GRM5: variants seen among roughly 807,000 people sequenced by gnomAD.
GRM5 encodes the protein metabotropic glutamate receptor 5.
A neutral mutation model predicts 83.1 loss-of-function variants in GRM5; 19 were observed. The observed-to-expected ratio is 0.23, with a 90% CI of 0.16 to 0.34. The LOEUF (loss-of-function observed/expected upper bound fraction) is 0.34, where lower values mean the gene tolerates loss of function less well. GRM5 is among the 10% of genes least tolerant of loss of function. The probability of loss-of-function intolerance (pLI) is 1.00; values close to 1 mark genes in which losing one functional copy is unlikely to be tolerated. For synonymous variants in GRM5, 675 were observed against 633.6 expected (o/e 1.07, Z -0.98); for missense variants, 1,160 against 1,588.3 (o/e 0.73, Z 4.58).
intron 4 of GRM5, among the ~76,000 whole-genome samples, chr11:88,625,343 C>G (rs868158669): frequency 1.3e-5 from 2 of 152,174 alleles, no homozygotes; most frequent in Middle Eastern, 3.4e-3. Flanking sequence ...TACCCGTGTC[C>G]CTGACTTTGA....
At chr11:88,790,689 G>A (rs1021827824) in intron 3 of GRM5, among the ~76,000 whole-genome samples, 1 of 152,068 alleles carries the variant, frequency 6.6e-6, no homozygotes, top group African/African-American at 2.4e-5. Context: ...GTACAAATCA[G>A]GAATAAGGAC....
Position 88,653,199 on chromosome 11 carries a change from C to T in GRM5, c.1116G>A (p.Gln372=). 1.2e-6 allele frequency: 2 copies of T among 1,609,940 alleles called. No individual in the cohort carries two copies. Among genetic ancestry groups the T allele is most frequent in the Non-Finnish European group, 1.7e-6 (2 of 1,176,566 alleles). ...AAGTCTTGTTGTATTTGCTGTTCTC[C>T]TGTGGAAACCCTTCCAGTCGGCACT... ...RFQCRLEGFP[Q]ENSKYNKTCN... is the part of the protein sequence containing the mutation. The change falls in exon 4 of 10, where the codon CAG becomes CAA. Residue 372 remains glutamine (Q), a synonymous_variant. Transcript: ENST00000305447.
At chr11:89,041,751 G>C (rs1336961317) in intron 2 of GRM5, among the ~76,000 whole-genome samples, 1 of 152,132 alleles carries the variant, frequency 6.6e-6, no homozygotes, top group Non-Finnish European at 1.5e-5. Flanking sequence ...TACAATTAGA[G>C]TTGCCCACTG....
chr11:88,689,936 A>G (rs1187620247), intron 3 of GRM5, among the ~76,000 whole-genome samples: 4 of 152,292 alleles, frequency 2.6e-5, no homozygotes, highest in Non-Finnish European at 5.9e-5. Flanking sequence ...TTTATTGAAG[A>G]GATATATTTA....
chr11:88,985,675 A>G (rs1190135374), intron 2 of GRM5, among the ~76,000 whole-genome samples: 1 of 152,186 alleles, frequency 6.6e-6, no homozygotes, highest in East Asian at 1.9e-4. Context: ...GGTGTCCCCA[A>G]GACACTTTCA....
intron 3 of GRM5, among the ~76,000 whole-genome samples, chr11:88,768,449 G>C (rs927456535): frequency 4.6e-5 from 7 of 151,894 alleles, no homozygotes; most frequent in African/African-American, 7.3e-5. Context: ...TGGGAGGAGA[G>C]AATGGATAGT....
chr11:88,997,634 T>G (rs1940232325), intron 2 of GRM5, among the ~76,000 whole-genome samples: 1 of 151,866 alleles, frequency 6.6e-6, no homozygotes. Context: ...TACAGAGCCT[T>G]CAAATATTAA....
At chr11:88,793,247 C>A (rs1336371941) in intron 3 of GRM5, among the ~76,000 whole-genome samples, 1 of 152,038 alleles carries the variant, frequency 6.6e-6, no homozygotes, top group Admixed American at 6.6e-5. Flanking sequence ...TCTATAGGAA[C>A]AAGAAAGCAT....
chr11:88,982,484 T>C (rs1227451695), intron 2 of GRM5, among the ~76,000 whole-genome samples: 2 of 152,140 alleles, frequency 1.3e-5, no homozygotes, highest in African/African-American at 4.8e-5. Flanking sequence ...GTAATAATTC[T>C]TTTAATTTGT....
Position 89,048,028 on chromosome 11 carries a change from T to G in GRM5, c.-156A>C, listed in dbSNP as rs1483899661. 2 of 612,036 alleles carry G rather than the reference T, an allele frequency of 3.3e-6. No individual in the cohort carries two copies. The highest frequency in any genetic ancestry group is 2.0e-5 in the South Asian group (1 of 50,084). 37.9% of individuals were successfully genotyped at this position (612,036 alleles called of 1,614,324 possible). On this transcript the variant is annotated 5_prime_UTR_variant, in exon 2 of 10. The change abolishes an upstream ATG in the 5' untranslated region. Coordinates refer to ENST00000305447, the MANE Select transcript of GRM5 (RefSeq NM_001143831.3). Reference sequence around the variant, plus strand: ...TTTCTAAAGGACCATTTTGTCCCCATGTACCATTTAGTTAGATGATCCATG... The same window carrying G: ...TTTCTAAAGGACCATTTTGTCCCCAGGTACCATTTAGTTAGATGATCCATG...
intron 3 of GRM5, among the ~76,000 whole-genome samples, chr11:88,668,642 T>C (rs1411116009): frequency 6.6e-6 from 1 of 152,160 alleles, no homozygotes; most frequent in Non-Finnish European, 1.5e-5. Context: ...ATTATTATTG[T>C]TATTATTGTG....
At chr11:89,013,288 T>C (rs1940760235) in intron 2 of GRM5, among the ~76,000 whole-genome samples, 1 of 152,234 alleles carries the variant, frequency 6.6e-6, no homozygotes, top group African/African-American at 2.4e-5. Flanking sequence ...CTCATGTTCC[T>C]GACTTGGTCC....
At chr11:88,906,879 T>A (rs1001439365) in intron 2 of GRM5, among the ~76,000 whole-genome samples, 12 of 152,186 alleles carry the variant, frequency 7.9e-5, no homozygotes, top group Non-Finnish European at 1.3e-4. Context: ...AAAGGCTAAT[T>A]AAGGAGTTAA....
At chr11:88,644,435 C>T (rs918605966) in intron 4 of GRM5, among the ~76,000 whole-genome samples, 12 of 152,140 alleles carry the variant, frequency 7.9e-5, no homozygotes, top group South Asian at 4.1e-4. Context: ...ATAAAGATAG[C>T]GCCTCTCCTT....
At chr11:88,907,075 T>A (rs1045619334) in intron 2 of GRM5, among the ~76,000 whole-genome samples, 2 of 152,096 alleles carry the variant, frequency 1.3e-5, no homozygotes, top group African/African-American at 4.8e-5. Context: ...AAGTTCAATT[T>A]CTCGGTGTTC....
chr11:88,784,756 C>A (rs1313230914), intron 3 of GRM5, among the ~76,000 whole-genome samples: 1 of 152,016 alleles, frequency 6.6e-6, no homozygotes, highest in Non-Finnish European at 1.5e-5. Context: ...GATTTCATTT[C>A]TCCCTATAGA....
intron 3 of GRM5, among the ~76,000 whole-genome samples, chr11:88,804,114 G>A (rs1943453614): frequency 1.3e-5 from 2 of 152,260 alleles, no homozygotes; most frequent in South Asian, 2.1e-4. Flanking sequence ...CAACCCTTGT[G>A]GAAGTCAGTG....
intron 3 of GRM5, among the ~76,000 whole-genome samples, chr11:88,743,923 A>G (rs1340176104): frequency 4.6e-5 from 7 of 152,174 alleles, no homozygotes; most frequent in Admixed American, 4.6e-4. Flanking sequence ...TGAAGCTTGT[A>G]TTGACTAGTT....
At chr11:88,763,809 G>A (rs1447770793) in intron 3 of GRM5, among the ~76,000 whole-genome samples, 3 of 151,622 alleles carry the variant, frequency 2.0e-5, no homozygotes, top group Non-Finnish European at 1.5e-5. Flanking sequence ...CCCAAAGGAA[G>A]TTATTAATGC....
Sources: gnomAD v4.1 joint callset for allele counts (sites outside exome capture counted in the v4.1 genomes callset) on GRCh38, gnomAD v4.1.1 for gene constraint, MANE v1.5 for transcripts, NCBI Gene and HGNC (gene_info 2026-07-23, HGNC 2026-07-21) for gene names.